Variants in CCDC33 observed in about 807,000 individuals in gnomAD.
CCDC33 encodes coiled-coil domain containing 33, also known as coiled-coil domain-containing protein 33.
Under a neutral mutation model 91.9 loss-of-function variants are expected in CCDC33, and 94 were observed. The ratio of observed to expected loss-of-function variants is 1.02; its 90% confidence interval spans 0.87 to 1.21. The LOEUF (loss-of-function observed/expected upper bound fraction) is 1.21. Ranked by LOEUF, CCDC33 falls within the 50% of genes most tolerant of loss-of-function variation. The probability of loss-of-function intolerance (pLI) is 0.00; values close to 1 mark genes in which losing one functional copy is unlikely to be tolerated. For missense variants in CCDC33, 940 were observed against 935.5 expected, an observed-to-expected ratio of 1.00 and a Z score of -0.06; for synonymous variants, 396 against 374.5, an observed-to-expected ratio of 1.06 and a Z score of -0.66.
At chr15:74,287,086 T>C (rs1315218145) in intron 10 of CCDC33, among the ~76,000 whole-genome samples, 3 of 152,182 alleles carry the variant, frequency 2.0e-5, no homozygotes, top group African/African-American at 2.4e-5. Context: ...GAAGAATTTT[T>C]ATGGATTTTT....
At chr15:74,216,145 A>G (rs1407147311), upstream of CCDC33, among the ~76,000 whole-genome samples, 1 of 152,090 alleles carries the variant, frequency 6.6e-6, no homozygotes, top group Admixed American at 6.5e-5. Context: ...CTGAGTCACT[A>G]AGCTCCAAGA....
intron 11 of CCDC33, among the ~76,000 whole-genome samples, chr15:74,319,954 C>A (rs920256674): frequency 6.6e-6 from 1 of 152,218 alleles, no homozygotes; most frequent in Non-Finnish European, 1.5e-5. Context: ...AAATTCACTC[C>A]TTTTGTTTCT....
chr15:74,222,592 A>G (rs2142158079), intron 2 of CCDC33, among the ~76,000 whole-genome samples: 1 of 150,796 alleles, frequency 6.6e-6, no homozygotes, highest in East Asian at 2.0e-4. Context: ...GGGGAAAAAA[A>G]GGAGAAGAAA....
intron 2 of CCDC33, among the ~76,000 whole-genome samples, chr15:74,255,170 A>G (rs2075823779): frequency 6.6e-6 from 1 of 150,840 alleles, no homozygotes; most frequent in Non-Finnish European, 1.5e-5. Flanking sequence ...ACCTGCCAAT[A>G]TACGTCTCCA....
intron 11 of CCDC33, among the ~76,000 whole-genome samples, chr15:74,314,875 C>A (rs541137070): frequency 9.2e-5 from 14 of 152,324 alleles, no homozygotes; most frequent in Non-Finnish European, 1.8e-4. Context: ...ACCCCAGGTG[C>A]CAACGAGCCC....
chr15:74,262,349 C>T, intron 2 of CCDC33, 91 bp from the exon 3 acceptor site: 1 of 1,524,262 alleles, frequency 6.6e-7, no homozygotes, highest in Middle Eastern at 1.7e-4. Flanking sequence ...GTCCACCTTT[C>T]ACTCAGATTT....
At chr15:74,221,271 G>C in intron 2 of CCDC33, 1 of 960,072 alleles carries the variant, frequency 1.0e-6, no homozygotes, top group Non-Finnish European at 1.2e-6. Context: ...GTCATGGGGG[G>C]CAGTGGAGCA....
intron 10 of CCDC33, among the ~76,000 whole-genome samples, chr15:74,287,606 G>A (rs1013091857): frequency 2.0e-5 from 3 of 152,128 alleles, no homozygotes; most frequent in Non-Finnish European, 4.4e-5. Context: ...CAGATCACCT[G>A]AGGTCAGGAG....
chr15:74,333,294 C>T (rs1271406494), intron 16 of CCDC33: 1 of 1,595,050 alleles, frequency 6.3e-7, no homozygotes, highest in Non-Finnish European at 8.5e-7. Context: ...CCAGGCCACT[C>T]AGAGTGCACA....
At chr15:74,264,260 A>T (rs529779796) in intron 3 of CCDC33, among the ~76,000 whole-genome samples, 1 of 152,200 alleles carries the variant, frequency 6.6e-6, no homozygotes, top group African/African-American at 2.4e-5. Flanking sequence ...TAGCTCAAGG[A>T]TGTGTTAATG....
At chr15:74,272,458 G>A (rs542750040) in intron 6 of CCDC33, among the ~76,000 whole-genome samples, 79 of 152,302 alleles carry the variant, frequency 5.2e-4, no homozygotes, top group Non-Finnish European at 6.2e-4. Context: ...CCACAGCACC[G>A]ACTCCTGGGA....
intron 1 of CCDC33, among the ~76,000 whole-genome samples, chr15:74,204,632 A>G (rs1370317124): frequency 6.6e-6 from 1 of 152,214 alleles, no homozygotes; most frequent in Admixed American, 6.5e-5. Flanking sequence ...ATCCTTGCCT[A>G]TCAGAAACCA....
intron 2 of CCDC33, among the ~76,000 whole-genome samples, chr15:74,229,776 T>C (rs1376964383): frequency 2.0e-5 from 3 of 152,162 alleles, no homozygotes; most frequent in Non-Finnish European, 4.4e-5. Context: ...CCCTCACTCA[T>C]ACATCAAGCA....
intron 8 of CCDC33, 92 bp downstream of exon 8, chr15:74,280,184 A>G (rs1468606284): frequency 2.8e-5 from 41 of 1,464,370 alleles, no homozygotes; most frequent in Non-Finnish European, 3.7e-5. Flanking sequence ...TCTGCCTCCC[A>G]CAGGGATGGA....
intron 10 of CCDC33, among the ~76,000 whole-genome samples, chr15:74,287,336 C>A (rs971899804): frequency 2.6e-5 from 4 of 152,306 alleles, no homozygotes; most frequent in Admixed American, 2.6e-4. Flanking sequence ...CTATCTCACA[C>A]CATCCCTCAC....
intron 10 of CCDC33, among the ~76,000 whole-genome samples, chr15:74,284,747 A>G (rs2059439281): frequency 6.6e-6 from 1 of 152,186 alleles, no homozygotes; most frequent in South Asian, 2.1e-4. Context: ...GGCTATTTGG[A>G]CTCCTCATGG....
At chr15:74,207,536 G>A (rs949981030) in intron 1 of CCDC33, among the ~76,000 whole-genome samples, 2 of 152,072 alleles carry the variant, frequency 1.3e-5, no homozygotes, top group South Asian at 2.1e-4. Flanking sequence ...AGAGACCCCC[G>A]TTGCTCTCCA....
chr15:74,236,366 C>T lies in CCDC33; in HGVS notation c.-354C>T, dbSNP rs2075155064. ...TGGGCAGAGACAGGGCCCCCCTGCC[C>T]CATCTCTCCACCGTCCTAGGTGTGC... On this transcript the variant is annotated 5_prime_UTR_variant, in exon 1 of 19. Transcript: ENST00000398814. The T allele has an allele frequency of 3.7e-6, 1 of 272,038 alleles. No individual in the cohort carries two copies. The highest frequency in any genetic ancestry group is 6.9e-6 in the Non-Finnish European group (1 of 144,862). The allele number at this position is 272,038 out of a possible 1,614,324, so 16.9% of individuals were successfully genotyped here.
intron 10 of CCDC33, among the ~76,000 whole-genome samples, chr15:74,289,644 G>A (rs948235326): frequency 2.0e-5 from 3 of 152,220 alleles, no homozygotes; most frequent in African/African-American, 7.2e-5. Flanking sequence ...GAACCTGGGA[G>A]GTTGAGGCTG....
Sources: gnomAD v4.1 joint callset for allele counts (sites outside exome capture counted in the v4.1 genomes callset) on GRCh38, gnomAD v4.1.1 for gene constraint, MANE v1.5 for transcripts, NCBI Gene and HGNC (gene_info 2026-07-23, HGNC 2026-07-21) for gene names.